Variants in CSMD3 observed in about 807,000 individuals in gnomAD.
CSMD3 encodes CUB and sushi domain-containing protein 3.
A neutral mutation model predicts 435.2 loss-of-function variants in CSMD3; 177 were observed. The observed-to-expected ratio is 0.41, with a 90% CI of 0.36 to 0.46. CSMD3 has a LOEUF of 0.46. Among genes scored for constraint, CSMD3 ranks in the 20% least tolerant of loss-of-function variants. CSMD3 has a pLI of 0.34. For synonymous variants in CSMD3, 1,656 were observed against 1,520.5 expected, an observed-to-expected ratio of 1.09 and a Z score of -2.07; for missense variants, 4,265 against 4,504.6, an observed-to-expected ratio of 0.95 and a Z score of 1.52.
chr8:113,295,511 A>G (rs996803880), intron 2 of CSMD3, among the ~76,000 whole-genome samples: 5 of 152,230 alleles, frequency 3.3e-5, no homozygotes, highest in African/African-American at 1.2e-4. Flanking sequence ...CTAAAGGTAG[A>G]GCAGAAAGAA....
chr8:112,581,548 A>T (rs1339694508), intron 23 of CSMD3, among the ~76,000 whole-genome samples: 1 of 152,110 alleles, frequency 6.6e-6, no homozygotes, highest in Non-Finnish European at 1.5e-5. Context: ...ATTGAACTTA[A>T]TTAGAAAGGA....
At chr8:113,370,162 TAATA>T (rs1209873538) in intron 1 of CSMD3, among the ~76,000 whole-genome samples, 4 of 151,390 alleles carry the variant, frequency 2.6e-5, no homozygotes, top group East Asian at 3.9e-4. Context: ...ATGTTGTACA[TAATA>T]AATACATATA....
At chr8:113,160,330 T>C (rs2092015117) in intron 4 of CSMD3, among the ~76,000 whole-genome samples, 1 of 151,970 alleles carries the variant, frequency 6.6e-6, no homozygotes, top group Non-Finnish European at 1.5e-5. Flanking sequence ...AATGATGTTT[T>C]AAATGCATGG....
At chr8:112,921,505 A>G (rs1373095331) in intron 10 of CSMD3, 122 bp downstream of exon 10, 10 of 872,346 alleles carry the variant, frequency 1.1e-5, no homozygotes, top group Non-Finnish European at 1.9e-5. Context: ...CAATAAATAT[A>G]TGAGCACAAT....
At chr8:112,397,463 A>G (rs889709134) in intron 35 of CSMD3, among the ~76,000 whole-genome samples, 1 of 152,212 alleles carries the variant, frequency 6.6e-6, no homozygotes, top group Non-Finnish European at 1.5e-5. Flanking sequence ...ATGCACTTTT[A>G]AACTGCCTCA....
intron 50 of CSMD3, among the ~76,000 whole-genome samples, chr8:112,308,493 C>T (rs576629931): frequency 8.7e-4 from 132 of 151,826 alleles, no homozygotes; most frequent in African/African-American, 1.5e-3. Context: ...TTAACTTCTC[C>T]GCTAATTTTT....
chr8:113,042,281 G>A (rs942545831), intron 5 of CSMD3, among the ~76,000 whole-genome samples: 1 of 152,096 alleles, frequency 6.6e-6, no homozygotes, highest in Non-Finnish European at 1.5e-5. Context: ...AAAAAAACTA[G>A]TATAGTAGAA....
chr8:113,025,542 TCC>T, intron 5 of CSMD3, among the ~76,000 whole-genome samples: 1 of 152,186 alleles, frequency 6.6e-6, no homozygotes, highest in South Asian at 2.1e-4. Context: ...GCTATATTGG[TCC>T]AGGAGCATAC....
chr8:112,519,368 T>C (rs1824041738), intron 27 of CSMD3, among the ~76,000 whole-genome samples: 1 of 152,192 alleles, frequency 6.6e-6, no homozygotes, highest in African/African-American at 2.4e-5. Flanking sequence ...TAGGCTTATA[T>C]GTTATAACAT....
In CSMD3 at chr8:112,492,653, C is replaced by T; in HGVS notation, c.5114G>A (p.Gly1705Asp). Residue 1705 changes from glycine (G) to aspartate (D), a missense_variant, in exon 31 of 71, where the codon GGC (glycine) becomes GAC (aspartate). This residue lies in a region of CSMD3 where 3,255 missense variants were observed against 3,380.2 expected (regional missense o/e 0.96). Coordinates refer to ENST00000297405, the MANE Select transcript of CSMD3 (RefSeq NM_198123.2). ...AAGTCTGGTGCCATTCATTATATTG[C>T]CTGGATCAAAGCAGGACTCTCGCAG... The part of the protein sequence containing the change: ...AKLRESCFDP[G>D]NIMNGTRLGM... 1 of 1,613,808 alleles carries T rather than the reference C, an allele frequency of 6.2e-7. No individual in the cohort carries two copies. Among genetic ancestry groups the T allele is most frequent in the Non-Finnish European group, 8.5e-7 (1 of 1,179,836 alleles).
intron 63 of CSMD3, among the ~76,000 whole-genome samples, chr8:112,253,482 T>C (rs1322081669): frequency 6.6e-6 from 1 of 151,842 alleles, no homozygotes; most frequent in Non-Finnish European, 1.5e-5. Flanking sequence ...CCTTTAGAAA[T>C]GGATGGTCTT....
At chr8:112,527,749 A>G (rs559203821) in intron 27 of CSMD3, among the ~76,000 whole-genome samples, 37 of 152,220 alleles carry the variant, frequency 2.4e-4, no homozygotes, top group Non-Finnish European at 5.3e-4. Flanking sequence ...TTTATCTTTA[A>G]CACAATCAAC....
At chr8:112,879,062 A>C (rs2081372511) in intron 10 of CSMD3, among the ~76,000 whole-genome samples, 1 of 152,116 alleles carries the variant, frequency 6.6e-6, no homozygotes, top group Admixed American at 6.6e-5. Flanking sequence ...ATGTTCAGGG[A>C]ACAGGGGAGA....
intron 19 of CSMD3, among the ~76,000 whole-genome samples, chr8:112,648,416 T>C (rs1211811696): frequency 1.3e-5 from 2 of 152,140 alleles, no homozygotes; most frequent in Admixed American, 6.5e-5. Context: ...AGGTTAAAAG[T>C]AACATGATTT....
At chr8:112,820,342 T>A (rs1333285970) in intron 12 of CSMD3, among the ~76,000 whole-genome samples, 1 of 152,096 alleles carries the variant, frequency 6.6e-6, no homozygotes, top group Non-Finnish European at 1.5e-5. Flanking sequence ...AAGAAAGAGG[T>A]CAATTGTTAA....
chr8:113,345,319 A>G (rs2094144783), intron 1 of CSMD3, among the ~76,000 whole-genome samples: 1 of 152,134 alleles, frequency 6.6e-6, no homozygotes, highest in Non-Finnish European at 1.5e-5. Context: ...ATGTTAGCTA[A>G]CCAAAATAAT....
At chr8:113,024,667 C>G (rs1398671744) in intron 5 of CSMD3, among the ~76,000 whole-genome samples, 2 of 152,142 alleles carry the variant, frequency 1.3e-5, no homozygotes, top group Admixed American at 1.3e-4. Flanking sequence ...AGTGATATCT[C>G]ATTGTGGTAC....
At position 112,337,572 on chromosome 8, in the gene CSMD3, T is replaced by G. The variant is rs1407879382; in HGVS notation, c.6812A>C (p.Asn2271Thr). ...ACACCTTGGAAGTGGATGATTCCAA[T>G]TACGACTGACTCCGTGAAGGCATGT... ...ALTCLHGVSR[N>T]WNHPLPRCEA... The change falls in exon 43 of 71, where the codon AAT (asparagine) becomes ACT (threonine). Residue 2271 changes from asparagine (N) to threonine (T), a missense_variant. Physicochemically the swap from Asn to Thr is moderately conservative, Grantham distance 65. This residue lies in a region of CSMD3 where 3,255 missense variants were observed against 3,380.2 expected (regional missense o/e 0.96). Transcript: ENST00000297405. 1.9e-6 allele frequency: 3 copies of G among 1,613,750 alleles called. No homozygotes were observed. The East Asian group carries it at 6.7e-5, about 36-fold the overall frequency.
At chr8:112,373,021 TA>T (rs146489760) in intron 38 of CSMD3, among the ~76,000 whole-genome samples, 4,740 of 110,942 alleles carry the variant, frequency 0.043, 266 homozygotes, top group African/African-American at 0.13. Flanking sequence ...TATATATATA[TA>T]TTTTTTTTCT....
Sources: allele counts gnomAD v4.1 joint callset (sites outside exome capture counted in the v4.1 genomes callset), GRCh38; gene constraint gnomAD v4.1.1; regional missense constraint gnomAD v4.1.1; transcripts MANE v1.5; gene names NCBI Gene and HGNC (gene_info 2026-07-23, HGNC 2026-07-21).